CDH13: variants seen among roughly 807,000 people sequenced by gnomAD.
The protein encoded by CDH13 is cadherin-13.
In CDH13, 24 loss-of-function variants were observed where a neutral mutation model predicts 63.8. The ratio of observed to expected loss-of-function variants is 0.38; its 90% confidence interval spans 0.27 to 0.53. CDH13 has a LOEUF of 0.53. CDH13 is among the 20% of genes least tolerant of loss of function. CDH13 has a pLI of 0.85. For synonymous variants in CDH13, 503 were observed against 355.3 expected (o/e 1.42, Z -4.67); for missense variants, 1,049 against 903.1 (o/e 1.16, Z -2.07).
At chr16:83,069,985 C>T (rs987644267) in intron 3 of CDH13, among the ~76,000 whole-genome samples, 7 of 151,828 alleles carry the variant, frequency 4.6e-5, no homozygotes, top group Admixed American at 3.9e-4. Context: ...AAAAATTGGG[C>T]CAATGGCACT....
chr16:82,998,994 G>C (rs1161942350), intron 2 of CDH13, among the ~76,000 whole-genome samples: 1 of 151,238 alleles, frequency 6.6e-6, no homozygotes, highest in South Asian at 2.1e-4. Flanking sequence ...TCTTAATCAA[G>C]TTTCTCCTCC....
intron 2 of CDH13, among the ~76,000 whole-genome samples, chr16:82,913,158 G>C (rs756216419): frequency 6.6e-5 from 10 of 152,112 alleles, no homozygotes; most frequent in African/African-American, 1.4e-4. Context: ...ATGGAACTCA[G>C]ATTTTAAAAT....
rs11407282 is a variant in CDH13 at position 83,627,127 on chromosome 16, C to CAA, written c.1101+24545_1101+24546dup. Among the ~76,000 whole-genome samples the CAA allele has an allele frequency of 4.3e-3, 628 of 145,524 alleles. 7 individuals are homozygous for CAA. The highest frequency in any genetic ancestry group is 0.018 in the South Asian group (83 of 4,552). ...AGGAAACCCCATCTCCACTAAAATA[C>CAA]AAAAAAAAAAAAATGAGCTGAGTGT... On this transcript the variant is annotated intron_variant, in intron 8 of 13. Transcript: ENST00000567109.
intron 6 of CDH13, among the ~76,000 whole-genome samples, chr16:83,398,420 G>A (rs985796198): frequency 6.6e-6 from 1 of 151,972 alleles, no homozygotes; most frequent in African/African-American, 2.4e-5. Flanking sequence ...TTTCTCAAAT[G>A]TCCCTCTGCC....
At chr16:82,736,779 C>T (rs1266137703) in intron 1 of CDH13, among the ~76,000 whole-genome samples, 1 of 152,178 alleles carries the variant, frequency 6.6e-6, no homozygotes, top group African/African-American at 2.4e-5. Context: ...CTCCTTCGGG[C>T]AATTTGATCT....
intron 6 of CDH13, among the ~76,000 whole-genome samples, chr16:83,413,788 G>C (rs1292428257): frequency 6.6e-6 from 1 of 152,078 alleles, no homozygotes; most frequent in Non-Finnish European, 1.5e-5. Context: ...GGGAGTTCGA[G>C]TCCAGCCTGG....
chr16:83,581,789 A>C (rs1224976805), intron 7 of CDH13, among the ~76,000 whole-genome samples: 2 of 152,254 alleles, frequency 1.3e-5, no homozygotes, highest in East Asian at 3.8e-4. Context: ...ATTGCACTCC[A>C]GCCTGGGTAA....
intron 7 of CDH13, among the ~76,000 whole-genome samples, chr16:83,538,998 C>T (rs1485184778): frequency 1.3e-5 from 2 of 152,112 alleles, no homozygotes; most frequent in African/African-American, 2.4e-5. Flanking sequence ...CTTTTCAGAA[C>T]TTTTATTAAA....
At chr16:82,950,291 CCCTGTGTCTATGTCTG>C (rs1375708281) in intron 2 of CDH13, among the ~76,000 whole-genome samples, 1 of 152,090 alleles carries the variant, frequency 6.6e-6, no homozygotes, top group Non-Finnish European at 1.5e-5. Context: ...ATGCCAGTCT[CCCTGTGTCTATGTCTG>C]CCTCTGAGTC....
chr16:83,151,929 T>TCCAG (rs2036997953), intron 4 of CDH13, among the ~76,000 whole-genome samples: 2 of 148,764 alleles, frequency 1.3e-5, no homozygotes, highest in African/African-American at 5.0e-5. Flanking sequence ...GCCATTGCGC[T>TCCAG]CCAGCCTGGG....
At chr16:82,743,331 G>A (rs934287970) in intron 1 of CDH13, among the ~76,000 whole-genome samples, 1 of 152,082 alleles carries the variant, frequency 6.6e-6, no homozygotes, top group Non-Finnish European at 1.5e-5. Flanking sequence ...GGGCTTAGGC[G>A]ATCCTCCCAC....
intron 4 of CDH13, among the ~76,000 whole-genome samples, chr16:83,184,750 A>C (rs1597481760): frequency 6.6e-6 from 1 of 152,212 alleles, no homozygotes; most frequent in East Asian, 1.9e-4. Context: ...GCGAGACTCC[A>C]TCTCAAAAAA....
intron 7 of CDH13, among the ~76,000 whole-genome samples, chr16:83,551,630 C>CT (rs977145099): frequency 3.9e-5 from 6 of 152,116 alleles, no homozygotes; most frequent in African/African-American, 1.4e-4. Flanking sequence ...CCAAGCTTCT[C>CT]TTTTTTTTCC....
At chr16:82,941,820 T>C (rs1253617484) in intron 2 of CDH13, among the ~76,000 whole-genome samples, 1 of 152,186 alleles carries the variant, frequency 6.6e-6, no homozygotes, top group Non-Finnish European at 1.5e-5. Flanking sequence ...GCTCCCTCAT[T>C]GAGTTCCAGT....
intron 2 of CDH13, among the ~76,000 whole-genome samples, chr16:82,884,846 C>G (rs545685399): frequency 6.6e-6 from 1 of 152,318 alleles, no homozygotes; most frequent in South Asian, 2.1e-4. Context: ...CAGTCATCAA[C>G]TTATAACGTA....
chr16:83,128,038 A>G (rs1236714647), intron 4 of CDH13, among the ~76,000 whole-genome samples: 1 of 152,126 alleles, frequency 6.6e-6, no homozygotes, highest in Admixed American at 6.5e-5. Flanking sequence ...CTTCCCAAAC[A>G]GTTTCTGAGA....
At chr16:82,865,552 G>A (rs1054926211) in intron 2 of CDH13, among the ~76,000 whole-genome samples, 1 of 152,198 alleles carries the variant, frequency 6.6e-6, no homozygotes, top group Non-Finnish European at 1.5e-5. Context: ...TTTAGCCATG[G>A]CCAAAATGCA....
chr16:83,298,359 C>T lies in CDH13; in HGVS notation c.637-46503C>T, dbSNP rs115545774. On this transcript the variant is annotated intron_variant, in intron 5 of 13. Transcript: ENST00000567109. ...TTATTTTTCTTAGAATGAAACCAAG[C>T]CAGCAAGAATAATAACTTTTGAAAG... Among the ~76,000 whole-genome samples, 598 of 152,244 alleles carry T rather than the reference C, an allele frequency of 3.9e-3. 4 individuals carry two copies. Among genetic ancestry groups the T allele is most frequent in the African/African-American group, 0.011 (437 of 41,536 alleles).
chr16:83,239,992 T>C (rs1904307597), intron 5 of CDH13, among the ~76,000 whole-genome samples: 1 of 152,080 alleles, frequency 6.6e-6, no homozygotes, highest in Admixed American at 6.5e-5. Flanking sequence ...GCTATACAAA[T>C]ATCTGTAAAG....
Sources: gnomAD v4.1 joint callset for allele counts (sites outside exome capture counted in the v4.1 genomes callset) on GRCh38, gnomAD v4.1.1 for gene constraint, MANE v1.5 for transcripts, NCBI Gene and HGNC (gene_info 2026-07-23, HGNC 2026-07-21) for gene names.